Variants in MLLT10 observed in about 807,000 individuals in gnomAD.
The protein encoded by MLLT10 is MLLT10 histone lysine methyltransferase DOT1L cofactor.
In MLLT10, 30 loss-of-function variants were observed where a neutral mutation model predicts 129.1. That is an observed-to-expected ratio of 0.23 (90% confidence interval 0.17 to 0.32). MLLT10 has a LOEUF of 0.32. Among genes scored for constraint, MLLT10 ranks in the 10% least tolerant of loss-of-function variants. MLLT10 has a pLI of 1.00. For missense variants in MLLT10, 1,119 were observed against 1,268.3 expected (o/e 0.88, Z 1.79); for synonymous variants, 490 against 446.4 (o/e 1.10, Z -1.23).
chr10:21,575,938 T>G (rs982663683), intron 3 of MLLT10, among the ~76,000 whole-genome samples: 14 of 152,174 alleles, frequency 9.2e-5, no homozygotes, highest in African/African-American at 2.7e-4. Flanking sequence ...TTGTTTGTTT[T>G]TTTTATGAGA....
intron 3 of MLLT10, among the ~76,000 whole-genome samples, chr10:21,540,864 C>A (rs116039444): frequency 0.027 from 4,158 of 152,158 alleles, 193 homozygotes; most frequent in African/African-American, 0.094. Context: ...AATTTTTGAG[C>A]GGTAGAAATA....
chr10:21,536,719 A>T (rs2034086763), intron 2 of MLLT10, among the ~76,000 whole-genome samples: 2 of 151,772 alleles, frequency 1.3e-5, no homozygotes, highest in Admixed American at 6.6e-5. Flanking sequence ...AGGCCTGGAC[A>T]ACCATGTCGG....
chr10:21,717,586 C>CTCTTCCTCTTCTT (rs1181154293), intron 14 of MLLT10, among the ~76,000 whole-genome samples: 1 of 118,998 alleles, frequency 8.4e-6, no homozygotes, highest in South Asian at 3.1e-4. Flanking sequence ...TTCTTTCTTC[C>CTCTTCCTCTTCTT]TCTTCCTCTT....
At chr10:21,535,256 T>C (rs1332749008) in intron 2 of MLLT10, among the ~76,000 whole-genome samples, 1 of 152,134 alleles carries the variant, frequency 6.6e-6, no homozygotes, top group Non-Finnish European at 1.5e-5. Context: ...GTTTGGAGAC[T>C]TCCTGTGGCG....
chr10:21,551,381 GTC>G (rs2037010519), intron 3 of MLLT10, among the ~76,000 whole-genome samples: 1 of 118,724 alleles, frequency 8.4e-6, no homozygotes, highest in Non-Finnish European at 1.7e-5. Flanking sequence ...TAAATAGAAT[GTC>G]TTTAAAGTTG....
intron 14 of MLLT10, among the ~76,000 whole-genome samples, chr10:21,722,826 G>C (rs903230454): frequency 6.6e-6 from 1 of 152,138 alleles, no homozygotes; most frequent in South Asian, 2.1e-4. Context: ...AGCAGTGACA[G>C]TCATTTGTGT....
At chr10:21,692,917 G>A (rs2054012574) in intron 13 of MLLT10, among the ~76,000 whole-genome samples, 1 of 152,044 alleles carries the variant, frequency 6.6e-6, no homozygotes, top group African/African-American at 2.4e-5. Flanking sequence ...GGCAAATTAT[G>A]TTGATAACCA....
intron 8 of MLLT10, among the ~76,000 whole-genome samples, chr10:21,647,240 C>T (rs1280694702): frequency 6.6e-6 from 1 of 151,936 alleles, no homozygotes; most frequent in African/African-American, 2.4e-5. Context: ...AAGTTGTTTA[C>T]ATTTTTCTCC....
At chr10:21,720,226 C>T (rs1233940494) in intron 14 of MLLT10, among the ~76,000 whole-genome samples, 3 of 152,168 alleles carry the variant, frequency 2.0e-5, no homozygotes, top group African/African-American at 7.2e-5. Flanking sequence ...GTTTTGAATA[C>T]GTTAAGCTCC....
chr10:21,738,691 C>A, intron 21 of MLLT10: 1 of 424,220 alleles, frequency 2.4e-6, no homozygotes, highest in Non-Finnish European at 3.2e-6. Flanking sequence ...CGTCACCTGG[C>A]AACGGCATTA....
rs553248006 is a variant in MLLT10 at position 21,626,302 on chromosome 10, C to T, written c.699+9095C>T. On this transcript the variant is annotated intron_variant, in intron 8 of 22. Coordinates refer to ENST00000307729, the MANE Select transcript of MLLT10 (RefSeq NM_001195626.3). ...CTATCAATCCAGGGCAGAGCAGGGG[C>T]TGGTGGCTGGGCCCGTGAGAACCAG... 9 of 1,230,392 alleles carry T rather than the reference C, an allele frequency of 7.3e-6. No individual in the cohort carries two copies. The African/African-American group carries it at 7.4e-5, about 10-fold the overall frequency. 76.2% of individuals were successfully genotyped at this position (1,230,392 alleles called of 1,614,324 possible).
At chr10:21,627,551 T>G (rs1442767047) in intron 8 of MLLT10, among the ~76,000 whole-genome samples, 1 of 152,218 alleles carries the variant, frequency 6.6e-6, no homozygotes, top group Admixed American at 6.5e-5. Context: ...TTCATTGTCT[T>G]TTGTGACCTT....
intron 8 of MLLT10, among the ~76,000 whole-genome samples, chr10:21,633,737 A>G (rs1331147202): frequency 6.6e-6 from 1 of 152,204 alleles, no homozygotes; most frequent in East Asian, 1.9e-4. Context: ...TCACATTGTG[A>G]TGCTTCCTCT....
intron 21 of MLLT10, among the ~76,000 whole-genome samples, chr10:21,736,875 G>A (rs2131588284): frequency 6.6e-6 from 1 of 152,236 alleles, no homozygotes; most frequent in Middle Eastern, 3.4e-3. Context: ...CAGATTTGAT[G>A]CGGACTCCTA....
chr10:21,676,274 C>G (rs914088795), intron 11 of MLLT10, among the ~76,000 whole-genome samples: 7 of 151,712 alleles, frequency 4.6e-5, no homozygotes, highest in African/African-American at 1.5e-4. Flanking sequence ...AAAAGTAGCC[C>G]GGCATGGTGG....
At chr10:21,624,007 G>T (rs562821426) in intron 8 of MLLT10, among the ~76,000 whole-genome samples, 47 of 151,990 alleles carry the variant, frequency 3.1e-4, no homozygotes, top group Non-Finnish European at 6.0e-4. Context: ...AGAACAAATT[G>T]TCATGGCTTT....
rs2051746387 is a variant in MLLT10 at position 21,673,638 on chromosome 10, C to T, written c.1340C>T (p.Thr447Ile). 2.5e-6 allele frequency: 4 copies of T among 1,613,946 alleles called. No homozygotes were observed. The highest frequency in any genetic ancestry group is 2.5e-6 in the Non-Finnish European group (3 of 1,179,988). Reference sequence around the variant, plus strand: ...GATTTGGGTAATTCCAGCCTTCCTACAGCAGGATATAAGCGGGCTCAAACT... The same window carrying T: ...GATTTGGGTAATTCCAGCCTTCCTATAGCAGGATATAAGCGGGCTCAAACT... ...PGDLGNSSLP[T>I]AGYKRAQTSG... The change falls in exon 11 of 23, where the codon ACA becomes ATA. Residue 447 changes from threonine (T) to isoleucine (I), a missense_variant. Coordinates refer to ENST00000307729, the MANE Select transcript of MLLT10 (RefSeq NM_001195626.3).
chr10:21,552,011 C>T (rs561515842), intron 3 of MLLT10: 13 of 243,508 alleles, frequency 5.3e-5, no homozygotes, highest in African/African-American at 2.6e-4. Context: ...AGGCTGGTCT[C>T]GAGCTTCTGA....
chr10:21,660,209 T>TG (rs1344223285), intron 9 of MLLT10, among the ~76,000 whole-genome samples: 1 of 151,472 alleles, frequency 6.6e-6, no homozygotes, highest in African/African-American at 2.4e-5. Context: ...TTAAGCCATT[T>TG]GCCCCCCCTT....
Sources: allele counts gnomAD v4.1 joint callset (sites outside exome capture counted in the v4.1 genomes callset), GRCh38; gene constraint gnomAD v4.1.1; transcripts MANE v1.5; gene names NCBI Gene and HGNC (gene_info 2026-07-23, HGNC 2026-07-21).